GCSAML: variants seen among roughly 807,000 people sequenced by gnomAD.
GCSAML encodes germinal center associated signaling and motility like, also known as germinal center-associated signaling and motility-like protein.
Under a neutral mutation model 13.0 loss-of-function variants are expected in GCSAML, and 9 were observed. That is an observed-to-expected ratio of 0.69 (90% CI 0.42 to 1.21). The LOEUF (loss-of-function observed/expected upper bound fraction) is 1.21, where lower values mean the gene tolerates loss of function less well. Ranked by LOEUF, GCSAML falls within the 50% of genes most tolerant of loss-of-function variation. The pLI is 0.00. For missense variants in GCSAML, 143 were observed against 153.4 expected, an observed-to-expected ratio of 0.93 and a Z score of 0.36; for synonymous variants, 37 against 52.9, an observed-to-expected ratio of 0.70 and a Z score of 1.31.
intron 4 of GCSAML, among the ~76,000 whole-genome samples, chr1:247,573,174 G>A (rs531577709): frequency 2.0e-5 from 3 of 152,156 alleles, no homozygotes; most frequent in Non-Finnish European, 4.4e-5. Context: ...TTCCAGGGGA[G>A]TAAACAGTTC....
intron 2 of GCSAML, among the ~76,000 whole-genome samples, chr1:247,535,343 A>G (rs1031083315): frequency 2.0e-5 from 3 of 152,098 alleles, no homozygotes; most frequent in African/African-American, 7.2e-5. Flanking sequence ...CCAATCAGGG[A>G]GGTAGAGTTG....
chr1:247,563,443 A>C (rs2103057244), intron 2 of GCSAML, 147 bp from the exon 3 acceptor site: 1 of 521,420 alleles, frequency 1.9e-6, no homozygotes, highest in South Asian at 3.5e-5. Context: ...AAAAGGCTGG[A>C]GTAAGCAGCC....
chr1:247,526,171 T>C lies in GCSAML; in HGVS notation c.-262-769T>C, dbSNP rs1030797231. 6.6e-6 allele frequency: 1 copy of C among 152,216 alleles called. No homozygotes were observed. Among genetic ancestry groups the C allele is most frequent in the Admixed American group, 6.5e-5 (1 of 15,286 alleles). The allele number at this position is 152,216 out of a possible 1,614,324, so 9.4% of individuals were successfully genotyped here. ...ATATCTGTGATCTATTAAGTGAATT[T>C]ATTTGCCAAGAAATCTTGAGCCTGC... On this transcript the variant is annotated intron_variant, in intron 1 of 5. Coordinates refer to the GCSAML transcript ENST00000366489. The surrounding 1 kb of genome is among the most constrained non-coding windows in gnomAD (Gnocchi z 4.8).
chr1:247,517,360 G>A (rs1433717472), intron 1 of GCSAML, among the ~76,000 whole-genome samples: 1 of 152,094 alleles, frequency 6.6e-6, no homozygotes, highest in Non-Finnish European at 1.5e-5. Flanking sequence ...GTGCAAGGTC[G>A]GCACAGAGTG....
chr1:247,575,924 T>A lies in GCSAML; in HGVS notation c.*1542T>A, dbSNP rs1041779646. The A allele has an allele frequency of 6.6e-6, 1 of 152,222 alleles. No homozygotes were observed. The highest frequency in any genetic ancestry group is 2.4e-5 in the African/African-American group (1 of 41,456). The allele number at this position is 152,222 out of a possible 1,614,324, so 9.4% of individuals were successfully genotyped here. On this transcript the variant is annotated 3_prime_UTR_variant, in exon 5 of 5. Coordinates refer to ENST00000366488, the MANE Select transcript of GCSAML (RefSeq NM_145278.5). Reference sequence around the variant, plus strand: ...CCTAATTTGGAGACAAAAGCCTTAATTGACAATGCATTCATTATATATTTT... The same window carrying A: ...CCTAATTTGGAGACAAAAGCCTTAAATGACAATGCATTCATTATATATTTT...
At chr1:247,534,892 C>G (rs1257123199) in intron 2 of GCSAML, among the ~76,000 whole-genome samples, 1 of 152,214 alleles carries the variant, frequency 6.6e-6, no homozygotes, top group Non-Finnish European at 1.5e-5. Flanking sequence ...CACGTGGAAG[C>G]TGTCCCATTG....
chr1:247,574,582 A>G lies in GCSAML; in HGVS notation c.*200A>G, dbSNP rs1668762858. The G allele has an allele frequency of 1.7e-6, 1 of 582,936 alleles. No individual in the cohort carries two copies. The highest frequency in any genetic ancestry group is 2.5e-5 in the South Asian group (1 of 39,822). 36.1% of individuals were successfully genotyped at this position (582,936 alleles called of 1,614,324 possible). On this transcript the variant is annotated 3_prime_UTR_variant, in exon 5 of 5. Transcript: ENST00000366488. Reference sequence around the variant, plus strand: ...AGGTGAAATCATAGAAATTGACACAATGACCTAAAATATTCTATGTGTTTT... The same window carrying G: ...AGGTGAAATCATAGAAATTGACACAGTGACCTAAAATATTCTATGTGTTTT...
rs567272822 is a variant in GCSAML at position 247,565,600 on chromosome 1, A to G, written c.140-331A>G. ...CTATAATCATTCTTTCTTTATGCTT[A>G]TCATATTGCATTGACATAGCACATT... On this transcript the variant is annotated intron_variant, in intron 3 of 4. Transcript: ENST00000366488. 2.2e-5 allele frequency: 5 copies of G among 230,712 alleles called. No individual in the cohort carries two copies. In the South Asian group the frequency reaches 6.0e-4, roughly 28 times the overall value. 14.3% of individuals were successfully genotyped at this position (230,712 alleles called of 1,614,324 possible).
chr1:247,563,680 GCAAATTTAAGCATC>G, intron 3 of GCSAML, 41 bp downstream of exon 3: 1 of 1,118,326 alleles, frequency 8.9e-7, no homozygotes, highest in Admixed American at 1.8e-5. Context: ...GTAGGGAAGT[GCAAATTTAAGCATC>G]CAATTAGCAG....
intron 2 of GCSAML, among the ~76,000 whole-genome samples, chr1:247,560,111 T>C (rs1426548331): frequency 6.6e-6 from 1 of 152,170 alleles, no homozygotes; most frequent in Non-Finnish European, 1.5e-5. Flanking sequence ...TTCCACTGTA[T>C]TTAAGAGAGA....
chr1:247,552,220 C>T (rs910683142), intron 1 of GCSAML, among the ~76,000 whole-genome samples: 5 of 152,222 alleles, frequency 3.3e-5, no homozygotes, highest in Admixed American at 3.3e-4. Flanking sequence ...TTTCTGAGCC[C>T]CAACAAAGAG....
chr1:247,563,632 TAAGAA>T lies in GCSAML; in HGVS notation c.136_139+1del. On this transcript the variant is annotated frameshift_variant and splice_region_variant, in exon 3 of 5. Transcript: ENST00000366488. LOFTEE classifies it low-confidence loss of function (END_TRUNC). ...TTGAAAGAAAACTTCAAGATCAAGA[TAAGAA>T]AAGTAAGTCATGGCTGTATAATATT... 1 of 1,558,364 alleles carries T rather than the reference TAAGAA, an allele frequency of 6.4e-7. No individual in the cohort carries two copies. Among genetic ancestry groups the T allele is most frequent in the Non-Finnish European group, 8.8e-7 (1 of 1,130,582 alleles).
intron 1 of GCSAML, among the ~76,000 whole-genome samples, chr1:247,511,700 T>C (rs1425225703): frequency 6.6e-6 from 1 of 152,208 alleles, no homozygotes; most frequent in Non-Finnish European, 1.5e-5. Context: ...AAGGCAGCCC[T>C]GGTGGTGACA....
rs574625117 is a variant in GCSAML at position 247,541,363 on chromosome 1, G to A, written c.-147-7682G>A. Among the ~76,000 whole-genome samples, 7 of 152,262 alleles carry A rather than the reference G, an allele frequency of 4.6e-5. No individual in the cohort carries two copies. The East Asian group carries it at 1.4e-3, about 29-fold the overall frequency. Reference sequence around the variant, plus strand: ...TAGGTTTGGCCTCCCATGTCATATGGATCACAGTTGGTGGGGTAGAATATT... The same window carrying A: ...TAGGTTTGGCCTCCCATGTCATATGAATCACAGTTGGTGGGGTAGAATATT... On this transcript the variant is annotated intron_variant, in intron 2 of 5. Coordinates refer to the GCSAML transcript ENST00000366489.
intron 1 of GCSAML, among the ~76,000 whole-genome samples, chr1:247,552,024 G>A (rs1237423238): frequency 2.0e-5 from 3 of 152,182 alleles, no homozygotes; most frequent in Non-Finnish European, 4.4e-5. Flanking sequence ...AAGATACAGG[G>A]AAAGTTAGAG....
intron 1 of GCSAML, among the ~76,000 whole-genome samples, chr1:247,515,199 A>G (rs936380692): frequency 6.6e-6 from 1 of 152,226 alleles, no homozygotes; most frequent in East Asian, 1.9e-4. Context: ...CGTGAAAGCT[A>G]AGGAGCCATT....
intron 2 of GCSAML, among the ~76,000 whole-genome samples, chr1:247,543,513 G>C (rs190861454): frequency 7.2e-5 from 11 of 152,100 alleles, no homozygotes; most frequent in East Asian, 1.9e-4. Context: ...GAACTGGGAG[G>C]GTCTTGGAAA....
intron 1 of GCSAML, among the ~76,000 whole-genome samples, chr1:247,515,031 A>C (rs1297454666): frequency 6.6e-6 from 1 of 152,134 alleles, no homozygotes; most frequent in African/African-American, 2.4e-5. Context: ...ATTGCATTGA[A>C]CTTGTAGACT....
At chr1:247,531,548 T>G in intron 2 of GCSAML, 1 of 1,612,792 alleles carries the variant, frequency 6.2e-7, no homozygotes, top group Non-Finnish European at 8.5e-7. Context: ...CACTGGAGTC[T>G]CTAAATTTGC....
Sources: gnomAD v4.1 joint callset for allele counts (sites outside exome capture counted in the v4.1 genomes callset) on GRCh38, gnomAD v4.1.1 for gene constraint, Gnocchi (gnomAD v3.1) non-coding constraint, MANE v1.5 for transcripts, NCBI Gene and HGNC (gene_info 2026-07-23, HGNC 2026-07-21) for gene names.